RNF150: variants seen among roughly 807,000 people sequenced by gnomAD.
RNF150 encodes the protein ring finger protein 150.
A neutral mutation model predicts 39.3 loss-of-function variants in RNF150; 24 were observed. That is an observed-to-expected ratio of 0.61 (90% CI 0.44 to 0.86). The LOEUF is 0.86. RNF150 is among the 40% of genes least tolerant of loss of function. RNF150 has a pLI of 0.00. For synonymous variants in RNF150, 255 were observed against 227.3 expected (o/e 1.12, Z -1.10); for missense variants, 502 against 587.8 (o/e 0.85, Z 1.51).
intron 1 of RNF150, among the ~76,000 whole-genome samples, chr4:141,035,800 G>A (rs1402502808): frequency 1.3e-5 from 2 of 152,128 alleles, no homozygotes; most frequent in African/African-American, 4.8e-5. Context: ...CTTTAATGGT[G>A]TCATTTCAAT....
In RNF150 at chr4:141,195,964, T is replaced by C. The variant is rs75658444; in HGVS notation, c.-6+16830A>G. ...CAGAAAGGGGGCATGTGGACAAAGA[T>C]TATGGGCTTCTCCAAGTAATCTATG... On this transcript the variant is annotated intron_variant, in intron 1 of 7. Coordinates refer to the RNF150 transcript ENST00000420921. 3.9e-3 allele frequency among the ~76,000 whole-genome samples: 589 copies of C among 152,232 alleles called. 5 individuals carry two copies. Among genetic ancestry groups the C allele is most frequent in the African/African-American group, 0.014 (573 of 41,532 alleles).
At chr4:141,205,604 G>A (rs549151719) in intron 1 of RNF150, among the ~76,000 whole-genome samples, 89 of 152,244 alleles carry the variant, frequency 5.8e-4, no homozygotes, top group Admixed American at 1.2e-3. Context: ...TCATTATGAT[G>A]AGAGATATTT....
At position 141,132,501 on chromosome 4, in the gene RNF150, T is replaced by A; in HGVS notation, c.308A>T (p.Asp103Val). 1 of 1,605,706 alleles carries A rather than the reference T, an allele frequency of 6.2e-7. No homozygotes were observed. The highest frequency in any genetic ancestry group is 8.5e-7 in the Non-Finnish European group (1 of 1,177,084). ...ASSAHDRLAC[D>V]PNTKFAAPTR... is the part of the protein sequence containing the mutation. ...CGGGGCGGCGAACTTGGTGTTGGGG[T>A]CGCAGGCCAGGCGGTCGTGGGCCGA... The change falls in exon 1 of 7, where the codon GAC becomes GTC. Residue 103 changes from aspartate to valine, a missense_variant. By Grantham distance (152) the Asp-to-Val change is radical. Transcript: ENST00000515673. The surrounding 1 kb of genome is among the most constrained non-coding windows in gnomAD (Gnocchi z 4.9).
intron 1 of RNF150, among the ~76,000 whole-genome samples, chr4:141,025,115 G>C (rs1735648660): frequency 6.6e-6 from 1 of 152,088 alleles, no homozygotes; most frequent in Admixed American, 6.6e-5. Context: ...TAAATAGTAG[G>C]ATTAGAACTC....
intron 1 of RNF150, among the ~76,000 whole-genome samples, chr4:141,150,161 G>A (rs369261347): frequency 2.8e-4 from 43 of 152,228 alleles, no homozygotes; most frequent in Middle Eastern, 6.8e-3. Flanking sequence ...ACTATTTTGT[G>A]CATCTATCAC....
At chr4:141,052,911 AT>A (rs1272258429) in intron 1 of RNF150, among the ~76,000 whole-genome samples, 2 of 152,128 alleles carry the variant, frequency 1.3e-5, no homozygotes, top group African/African-American at 4.8e-5. Context: ...TCCTGTGGCA[AT>A]TTCCACCATT....
chr4:140,983,614 T>C lies in RNF150; in HGVS notation c.485-15741A>G, dbSNP rs550423036. Among the ~76,000 whole-genome samples, 3 of 152,256 alleles carry C rather than the reference T, an allele frequency of 2.0e-5. No individual in the cohort carries two copies. In the South Asian group the frequency reaches 6.2e-4, roughly 32 times the overall value. ...CTGGCCTGCACCTGTGCCATTTTAT[T>C]ACCTTTCCTGGGCATGCTTGTGGGG... On this transcript the variant is annotated intron_variant, in intron 1 of 6. Transcript: ENST00000515673.
In RNF150 at chr4:141,064,157, TAA is replaced by T. The variant is rs1220516809; in HGVS notation, c.484+68166_484+68167del. Among the ~76,000 whole-genome samples, 8 of 152,336 alleles carry T rather than the reference TAA, an allele frequency of 5.3e-5. No homozygotes were observed. The East Asian group carries it at 1.3e-3, about 26-fold the overall frequency. On this transcript the variant is annotated intron_variant, in intron 1 of 6. Transcript: ENST00000515673. Reference sequence around the variant, plus strand: ...AACATATATTAAACATTTGCTTAACTAATACAGTGCTTGCAACAACCTTATGA... The same window carrying T: ...AACATATATTAAACATTTGCTTAACTTACAGTGCTTGCAACAACCTTATGA...
intron 5 of RNF150, among the ~76,000 whole-genome samples, chr4:140,923,184 A>G (rs1220755506): frequency 6.6e-6 from 1 of 152,132 alleles, no homozygotes; most frequent in Non-Finnish European, 1.5e-5. Context: ...TGAACAGGCA[A>G]CCTACAGAAT....
At chr4:141,171,477 AG>A (rs1727722169) in intron 1 of RNF150, among the ~76,000 whole-genome samples, 1 of 152,052 alleles carries the variant, frequency 6.6e-6, no homozygotes, top group Non-Finnish European at 1.5e-5. Context: ...AGAGAGAGAG[AG>A]AGAGAGAGAG....
intron 1 of RNF150, among the ~76,000 whole-genome samples, chr4:141,101,756 A>T (rs1739019218): frequency 6.6e-6 from 1 of 152,008 alleles, no homozygotes; most frequent in African/African-American, 2.4e-5. Context: ...AGGTTGTAGA[A>T]ATTTTTTAGC....
chr4:141,053,764 G>T, intron 1 of RNF150: 2 of 1,189,148 alleles, frequency 1.7e-6, no homozygotes, highest in South Asian at 2.3e-5. Context: ...AAAAGAAAAC[G>T]AGATAAGTGA....
chr4:141,097,346 G>C (rs1184829345), intron 1 of RNF150, among the ~76,000 whole-genome samples: 2 of 152,154 alleles, frequency 1.3e-5, no homozygotes, highest in Non-Finnish European at 2.9e-5. Flanking sequence ...TTCCAGCCAT[G>C]CATTTTGCAA....
At chr4:140,921,184 A>C (rs201408154) in intron 5 of RNF150, among the ~76,000 whole-genome samples, 1 of 31,658 alleles carries the variant, frequency 3.2e-5, no homozygotes, top group Non-Finnish European at 6.5e-5. Context: ...GTATAATAAT[A>C]ATAATAATAA....
intron 5 of RNF150, among the ~76,000 whole-genome samples, chr4:140,911,693 C>T (rs1730613065): frequency 1.3e-5 from 2 of 152,150 alleles, no homozygotes; most frequent in South Asian, 4.2e-4. Flanking sequence ...AAGGCACTTC[C>T]TTACATATAG....
chr4:140,888,176 C>T (rs1380040650), intron 6 of RNF150, among the ~76,000 whole-genome samples: 1 of 152,240 alleles, frequency 6.6e-6, no homozygotes, highest in East Asian at 1.9e-4. Context: ...GAAAGCAGGT[C>T]ATAACTGGTA....
At chr4:140,928,879 G>T (rs970592913) in intron 4 of RNF150, among the ~76,000 whole-genome samples, 3 of 152,124 alleles carry the variant, frequency 2.0e-5, no homozygotes, top group Admixed American at 6.5e-5. Flanking sequence ...CATATTTCCT[G>T]CTGGTTCTAA....
At chr4:140,924,972 T>C (rs1249651248) in intron 5 of RNF150, among the ~76,000 whole-genome samples, 1 of 152,206 alleles carries the variant, frequency 6.6e-6, no homozygotes, top group Non-Finnish European at 1.5e-5. Flanking sequence ...AATGCATCTC[T>C]GGCATTAAAG....
At chr4:140,891,701 C>A (rs1729758975) in intron 6 of RNF150, among the ~76,000 whole-genome samples, 2 of 151,928 alleles carry the variant, frequency 1.3e-5, no homozygotes, top group South Asian at 4.2e-4. Context: ...CTATGCACAT[C>A]CTTTTGTATA....
Sources: allele counts gnomAD v4.1 joint callset (sites outside exome capture counted in the v4.1 genomes callset), GRCh38; gene constraint gnomAD v4.1.1; non-coding constraint Gnocchi (gnomAD v3.1); transcripts MANE v1.5; gene names NCBI Gene and HGNC (gene_info 2026-07-23, HGNC 2026-07-21).